Variants in CCL28 observed in about 807,000 individuals in gnomAD.
CCL28 encodes the protein C-C motif chemokine 28.
In CCL28, 4 loss-of-function variants were observed where a neutral mutation model predicts 7.1. That is an observed-to-expected ratio of 0.56 (90% CI 0.28 to 1.29). The LOEUF is 1.29. Among genes scored for constraint, CCL28 ranks in the 50% most tolerant of loss-of-function variants. The probability of loss-of-function intolerance (pLI) is 0.11; values close to 1 mark genes in which losing one functional copy is unlikely to be tolerated. For synonymous variants in CCL28, 55 were observed against 57.8 expected (o/e 0.95, Z 0.22); for missense variants, 151 against 163.4 (o/e 0.92, Z 0.41).
downstream of CCL28, among the ~76,000 whole-genome samples, chr5:43,375,307 A>G (rs1739864138): frequency 6.9e-6 from 1 of 145,758 alleles, no homozygotes. Context: ...TCCTATTAAA[A>G]GGAGTAAAAA....
chr5:43,383,647 G>C (rs1032010880), intron 2 of CCL28, among the ~76,000 whole-genome samples: 1 of 152,040 alleles, frequency 6.6e-6, no homozygotes, highest in African/African-American at 2.4e-5. Flanking sequence ...GAGAAAACGT[G>C]GCTGTAGCAC....
At chr5:43,361,796 A>G in the CCL28 span, among the ~76,000 whole-genome samples, 1 of 150,522 alleles carries the variant, frequency 6.6e-6, no homozygotes, top group Admixed American at 6.6e-5. Flanking sequence ...CTGATCAGAT[A>G]GTTGTAGGTG....
the CCL28 span, among the ~76,000 whole-genome samples, chr5:43,364,902 A>G: frequency 2.9e-4 from 44 of 150,898 alleles, no homozygotes; most frequent in East Asian, 8.4e-3. Flanking sequence ...GTTGTTTTCA[A>G]TTTGCTTGGT....
downstream of CCL28, among the ~76,000 whole-genome samples, chr5:43,374,177 A>G (rs1334315187): frequency 6.6e-6 from 1 of 152,222 alleles, no homozygotes; most frequent in Non-Finnish European, 1.5e-5. Context: ...ATAAATATTT[A>G]CTGAGTGCCT....
downstream of CCL28, among the ~76,000 whole-genome samples, chr5:43,372,711 C>T (rs1002021215): frequency 6.6e-6 from 1 of 151,644 alleles, no homozygotes; most frequent in Non-Finnish European, 1.5e-5. Context: ...TTGAATTTAT[C>T]CATTCTACTG....
At chr5:43,394,664 AT>A (rs1179153485) in intron 1 of CCL28, among the ~76,000 whole-genome samples, 1 of 152,066 alleles carries the variant, frequency 6.6e-6, no homozygotes, top group Admixed American at 6.5e-5. Flanking sequence ...ACCTTGCTGA[AT>A]TTTTTTATTT....
the CCL28 span, among the ~76,000 whole-genome samples, chr5:43,365,516 T>A: frequency 6.6e-6 from 1 of 152,172 alleles, no homozygotes; most frequent in Admixed American, 6.5e-5. Context: ...GTTGTTTTTT[T>A]CTCCCCCCCA....
chr5:43,378,240 A>G (rs1579716432), downstream of CCL28, among the ~76,000 whole-genome samples: 1 of 149,358 alleles, frequency 6.7e-6, no homozygotes, highest in Admixed American at 6.6e-5. Flanking sequence ...AGTCCCAGTT[A>G]CTAGGGAGGC....
intron 1 of CCL28, among the ~76,000 whole-genome samples, chr5:43,403,249 G>A (rs1741118136): frequency 6.6e-6 from 1 of 152,222 alleles, no homozygotes; most frequent in East Asian, 1.9e-4. Context: ...GCCTAACTGG[G>A]AGACTCCTCC....
At chr5:43,363,917 T>C in the CCL28 span, among the ~76,000 whole-genome samples, 1 of 152,140 alleles carries the variant, frequency 6.6e-6, no homozygotes, top group African/African-American at 2.4e-5. Flanking sequence ...GAGGAAAGCC[T>C]TCACAGAGCA....
At chr5:43,382,436 T>C (rs1317250545) in intron 2 of CCL28, among the ~76,000 whole-genome samples, 1 of 152,156 alleles carries the variant, frequency 6.6e-6, no homozygotes. Context: ...TCACAGCCCA[T>C]CTCAAACACA....
intron 1 of CCL28, among the ~76,000 whole-genome samples, chr5:43,401,097 GAA>G (rs1023387097): frequency 7.2e-5 from 10 of 139,654 alleles, no homozygotes; most frequent in African/African-American, 3.1e-4. Context: ...AAAAAAAAAA[GAA>G]AAAGAAAAAA....
the CCL28 span, among the ~76,000 whole-genome samples, chr5:43,360,080 C>T: frequency 6.6e-6 from 1 of 152,124 alleles, no homozygotes. Context: ...AAACTCTTTA[C>T]TGCAATAATG....
intron 2 of CCL28, among the ~76,000 whole-genome samples, chr5:43,387,620 T>TTTG (rs1382560381): frequency 2.0e-5 from 3 of 152,202 alleles, no homozygotes; most frequent in Non-Finnish European, 2.9e-5. Context: ...TCTTTGCCTT[T>TTTG]TTGTTGTTGT....
chr5:43,404,213 C>G (rs1741168142), intron 1 of CCL28, among the ~76,000 whole-genome samples: 1 of 152,142 alleles, frequency 6.6e-6, no homozygotes. Flanking sequence ...TTGTCAGATT[C>G]ACCAAAGTTG....
chr5:43,369,046 GAGAGAGAGAGAGAGAGA>G, the CCL28 span, among the ~76,000 whole-genome samples: 1 of 22,772 alleles, frequency 4.4e-5, no homozygotes, highest in Non-Finnish European at 8.3e-5. Flanking sequence ...AAGAGAGAGA[GAGAGAGAGAGAGAGAGA>G]GAGAGAGAGA....
chr5:43,377,981 C>T (rs373277361), downstream of CCL28, among the ~76,000 whole-genome samples: 4 of 132,684 alleles, frequency 3.0e-5, no homozygotes, highest in South Asian at 4.6e-4. Flanking sequence ...ATCCGCCCGC[C>T]TCGGCCTCCC....
chr5:43,369,336 G>A, the CCL28 span, among the ~76,000 whole-genome samples: 2 of 152,128 alleles, frequency 1.3e-5, no homozygotes, highest in African/African-American at 2.4e-5. Flanking sequence ...GAGACAAAAA[G>A]TAGAAACAAA....
At chr5:43,411,114 T>G (rs1392196136) in intron 1 of CCL28, among the ~76,000 whole-genome samples, 1 of 152,208 alleles carries the variant, frequency 6.6e-6, no homozygotes, top group Non-Finnish European at 1.5e-5. Context: ...ATCTGATTTC[T>G]CAAGAGAAGC....
Sources: gnomAD v4.1 joint callset for allele counts (sites outside exome capture counted in the v4.1 genomes callset) on GRCh38, gnomAD v4.1.1 for gene constraint, MANE v1.5 for transcripts, NCBI Gene and HGNC (gene_info 2026-07-23, HGNC 2026-07-21) for gene names.